The following DNAAF11 variants were observed in gnomAD, a reference collection of about 807,000 sequenced individuals.
DNAAF11 encodes leucine rich repeat containing 6.
DNAAF11 carries 45 observed loss-of-function variants against 60.8 expected under a neutral mutation model. The observed-to-expected ratio is 0.74, with a 90% CI of 0.58 to 0.95. The LOEUF (loss-of-function observed/expected upper bound fraction) is 0.95, where lower values mean the gene tolerates loss of function less well. Ranked by LOEUF, DNAAF11 falls within the 40% of genes least tolerant of loss-of-function variation. DNAAF11 has a pLI of 0.00. For missense variants in DNAAF11, 546 were observed against 546.2 expected, an observed-to-expected ratio of 1.00 and a Z score of 0.00; for synonymous variants, 191 against 183.5, an observed-to-expected ratio of 1.04 and a Z score of -0.33.
At chr8:132,655,880 A>T (rs1324862471) in intron 3 of DNAAF11, among the ~76,000 whole-genome samples, 1 of 148,346 alleles carries the variant, frequency 6.7e-6, no homozygotes, top group Non-Finnish European at 1.5e-5. Context: ...TTGTGTAGAA[A>T]TCGGTACTCA....
intron 6 of DNAAF11, among the ~76,000 whole-genome samples, chr8:132,624,606 T>C (rs1820068917): frequency 6.6e-6 from 1 of 152,210 alleles, no homozygotes; most frequent in South Asian, 2.1e-4. Flanking sequence ...CATTGCCATG[T>C]AGATTACTAT....
rs570677321 is a variant in DNAAF11, at chr8:132,666,774, CAT to C, written c.11-5149_11-5148del. ...CACAACGGCAGACAGTCCTTGCTTT[CAT>C]GGAGGTTGCCTGGTAGAAGAGGCAG... On this transcript the variant is annotated intron_variant, in intron 1 of 11. Coordinates refer to ENST00000620350, the MANE Select transcript of DNAAF11 (RefSeq NM_012472.6). 2.1e-3 allele frequency among the ~76,000 whole-genome samples: 325 copies of C among 152,296 alleles called. 1 individual carries two copies. Among genetic ancestry groups the C allele is most frequent in the Non-Finnish European group, 3.4e-3 (234 of 68,030 alleles).
the DNAAF11 span, among the ~76,000 whole-genome samples, chr8:132,682,102 A>G: frequency 6.6e-6 from 1 of 152,254 alleles, no homozygotes; most frequent in South Asian, 2.1e-4. Flanking sequence ...CAATTGAAAG[A>G]TGGTGCCTGT....
At chr8:132,593,306 AATAAAC>A (rs1490053498) in intron 10 of DNAAF11, among the ~76,000 whole-genome samples, 1 of 140,434 alleles carries the variant, frequency 7.1e-6, no homozygotes, top group East Asian at 2.1e-4. Context: ...AGATAAAAAT[AATAAAC>A]TTCAAAGAAT....
At chr8:132,634,184 G>A (rs976991183) in intron 4 of DNAAF11, among the ~76,000 whole-genome samples, 1 of 152,166 alleles carries the variant, frequency 6.6e-6, no homozygotes, top group African/African-American at 2.4e-5. Context: ...GACTCATATG[G>A]TTGCTATAGA....
chr8:132,616,242 G>C (rs1229436415), intron 7 of DNAAF11, among the ~76,000 whole-genome samples: 1 of 152,088 alleles, frequency 6.6e-6, no homozygotes, highest in Admixed American at 6.6e-5. Context: ...GGTGGGTGAG[G>C]TCATGTGAGG....
At chr8:132,611,163 G>C (rs941374026) in intron 9 of DNAAF11, 131 bp downstream of exon 9, 13 of 569,412 alleles carry the variant, frequency 2.3e-5, no homozygotes, top group Non-Finnish European at 3.6e-5. Context: ...CAAAGTGCTG[G>C]GATTACAGGC....
chr8:132,643,477 T>A, intron 3 of DNAAF11: 2 of 313,120 alleles, frequency 6.4e-6, no homozygotes, highest in Non-Finnish European at 1.3e-5. Flanking sequence ...TGTGGGAGAG[T>A]TGGGGAGCAA....
At chr8:132,656,567 G>A (rs1174238297) in intron 3 of DNAAF11, among the ~76,000 whole-genome samples, 2 of 152,192 alleles carry the variant, frequency 1.3e-5, no homozygotes, top group East Asian at 3.9e-4. Context: ...CGCCTCCTGG[G>A]TTCAAGCGAT....
At chr8:132,679,746 G>C (rs117267432), upstream of DNAAF11, among the ~76,000 whole-genome samples, 4,223 of 152,252 alleles carry the variant, frequency 0.028, 86 homozygotes, top group Non-Finnish European at 0.042. Context: ...TTTTAAAAGT[G>C]GGAGTTTCTC....
chr8:132,656,903 A>G lies in DNAAF11; in HGVS notation c.183T>C (p.Asn61=). 8.0e-7 allele frequency: 1 copy of G among 1,244,534 alleles called. No individual in the cohort carries two copies. The highest frequency in any genetic ancestry group is 1.3e-5 in the South Asian group (1 of 76,552). 77.1% of individuals were successfully genotyped at this position (1,244,534 alleles called of 1,614,324 possible). A position where few individuals can be genotyped will look rare whatever the true frequency, so the allele number is the denominator to read the frequency against. ...LQNNLIGKIE[N]VSKLKKLEYL... ...ATTCAAGTTTCTTGAGTTTGCTAAC[A>G]TTTTCTGAAATACAAGATAATGTAG... Residue 61 remains asparagine (N), a synonymous_variant, in exon 3 of 12, where the codon AAT becomes AAC. Coordinates refer to ENST00000620350, the MANE Select transcript of DNAAF11 (RefSeq NM_012472.6).
chr8:132,580,088 TAAAA>T (rs1815169719), intron 11 of DNAAF11, among the ~76,000 whole-genome samples: 1 of 147,454 alleles, frequency 6.8e-6, no homozygotes, highest in Non-Finnish European at 1.5e-5. Context: ...AATAGAAATA[TAAAA>T]ACTTCAGATA....
intron 10 of DNAAF11, among the ~76,000 whole-genome samples, chr8:132,597,521 G>A (rs554929605): frequency 4.6e-5 from 7 of 152,294 alleles, no homozygotes; most frequent in Admixed American, 1.3e-4. Context: ...TGACAAGAAT[G>A]TATGAAGTTG....
chr8:132,594,277 G>C (rs1490529408), intron 10 of DNAAF11, among the ~76,000 whole-genome samples: 2 of 152,070 alleles, frequency 1.3e-5, no homozygotes, highest in Non-Finnish European at 2.9e-5. Context: ...CCCACATTTA[G>C]ATAGGTAAAG....
rs142097415 is a variant in DNAAF11, at chr8:132,641,543, G to C, written c.257-3436C>G. Among the ~76,000 whole-genome samples, 325 of 152,286 alleles carry C rather than the reference G, an allele frequency of 2.1e-3. 1 individual carries two copies. Among genetic ancestry groups the C allele is most frequent in the African/African-American group, 7.2e-3 (300 of 41,576 alleles). On this transcript the variant is annotated intron_variant, in intron 3 of 11. Coordinates refer to ENST00000620350, the MANE Select transcript of DNAAF11 (RefSeq NM_012472.6). ...AAATGAAGAGATGGGAGGAGGAAGAGAGGGAAGGAGAAAAGAAAGAATGAG... is the reference window on the plus strand; with the variant it reads ...AAATGAAGAGATGGGAGGAGGAAGACAGGGAAGGAGAAAAGAAAGAATGAG...
chr8:132,595,871 T>C (rs1450400243), intron 10 of DNAAF11, among the ~76,000 whole-genome samples: 1 of 152,182 alleles, frequency 6.6e-6, no homozygotes. Context: ...CTGTCCAAGG[T>C]AGTCCAGTTG....
At chr8:132,700,463 A>G in the DNAAF11 span, among the ~76,000 whole-genome samples, 3 of 151,426 alleles carry the variant, frequency 2.0e-5, no homozygotes, top group African/African-American at 7.3e-5. Context: ...AAGTGGTACC[A>G]TTACTTGTGG....
intron 10 of DNAAF11, among the ~76,000 whole-genome samples, chr8:132,592,010 T>A (rs1277535583): frequency 6.6e-6 from 1 of 152,212 alleles, no homozygotes; most frequent in African/African-American, 2.4e-5. Context: ...AAAATCCATA[T>A]GAAATTTATT....
intron 1 of DNAAF11, among the ~76,000 whole-genome samples, chr8:132,663,762 A>G (rs1256846008): frequency 6.6e-6 from 1 of 152,210 alleles, no homozygotes. Context: ...AAGGGGCTCC[A>G]AGCCTTACTC....
Sources: gnomAD v4.1 joint callset for allele counts (sites outside exome capture counted in the v4.1 genomes callset) on GRCh38, gnomAD v4.1.1 for gene constraint, MANE v1.5 for transcripts, NCBI Gene and HGNC (gene_info 2026-07-23, HGNC 2026-07-21) for gene names.